The following IGF1R variants were observed in gnomAD, a reference collection of about 807,000 sequenced individuals.
The protein encoded by IGF1R is insulin like growth factor 1 receptor.
Under a neutral mutation model 144.6 loss-of-function variants are expected in IGF1R, and 44 were observed. That is an observed-to-expected ratio of 0.30 (90% CI 0.24 to 0.39). The LOEUF is 0.39. IGF1R is among the 10% of genes least tolerant of loss of function. IGF1R has a pLI of 1.00. For synonymous variants in IGF1R, 795 were observed against 722.8 expected, an observed-to-expected ratio of 1.10 and a Z score of -1.60; for missense variants, 1,355 against 1,833.7, an observed-to-expected ratio of 0.74 and a Z score of 4.77.
chr15:98,941,634 G>A (rs1323970309), intron 18 of IGF1R, among the ~76,000 whole-genome samples: 2 of 152,064 alleles, frequency 1.3e-5, no homozygotes, highest in Non-Finnish European at 2.9e-5. Flanking sequence ...TTCTTCTCAA[G>A]GGCTCAAGAT....
intron 20 of IGF1R, among the ~76,000 whole-genome samples, chr15:98,950,669 A>C (rs939802569): frequency 1.3e-5 from 2 of 151,254 alleles, no homozygotes; most frequent in Non-Finnish European, 3.0e-5. Context: ...TTACCTGATA[A>C]AGTCAGATCT....
At chr15:98,836,521 TAAAA>T (rs36070885) in intron 2 of IGF1R, among the ~76,000 whole-genome samples, 3 of 129,898 alleles carry the variant, frequency 2.3e-5, no homozygotes, top group African/African-American at 5.5e-5. Flanking sequence ...CCTGTCTCTT[TAAAA>T]AAAAAAAAAA....
At chr15:98,791,668 AAAT>A (rs2056129849) in intron 2 of IGF1R, among the ~76,000 whole-genome samples, 1 of 152,240 alleles carries the variant, frequency 6.6e-6, no homozygotes, top group Non-Finnish European at 1.5e-5. Flanking sequence ...AAGTTGGTGA[AAAT>A]ACTATGTGAT....
chr15:98,649,444 C>G lies in IGF1R; in HGVS notation c.-138C>G. 1.6e-6 allele frequency: 1 copy of G among 645,110 alleles called. No individual in the cohort carries two copies. Among genetic ancestry groups the G allele is most frequent in the East Asian group, 3.1e-5 (1 of 32,548 alleles). The allele number at this position is 645,110 out of a possible 1,614,324, so 40.0% of individuals were successfully genotyped here. A position where few individuals can be genotyped will look rare whatever the true frequency, so the allele number is the denominator to read the frequency against. ...CGGCGCCGCCTTCGGAGTATTGTTT[C>G]CTTCGCCCTTGTTTTTGGAGGGGGA... On this transcript the variant is annotated 5_prime_UTR_variant, in exon 1 of 21. Transcript: ENST00000650285.
intron 1 of IGF1R, among the ~76,000 whole-genome samples, chr15:98,697,778 C>T (rs1213107719): frequency 1.3e-5 from 2 of 152,230 alleles, no homozygotes; most frequent in African/African-American, 2.4e-5. Context: ...CATTCTGTCA[C>T]CCAGGCTGGA....
intron 18 of IGF1R, among the ~76,000 whole-genome samples, chr15:98,941,023 C>T (rs920124295): frequency 1.3e-5 from 2 of 152,240 alleles, no homozygotes; most frequent in African/African-American, 4.8e-5. Flanking sequence ...CTCTGTAGAA[C>T]TCACATTGTC....
At position 98,922,293 on chromosome 15, in the gene IGF1R, G is replaced by T. The variant is rs771140051; in HGVS notation, c.2347G>T (p.Asp783Tyr). 1 of 1,614,164 alleles carries T rather than the reference G, an allele frequency of 6.2e-7. No homozygotes were observed. Among genetic ancestry groups the T allele is most frequent in the Non-Finnish European group, 8.5e-7 (1 of 1,180,018 alleles). ...GTACCCTTTCTTTGAGAGCAGAGTG[G>T]ATAACAAGGAGAGAACTGTCATTTC... is the stretch of plus-strand genomic sequence containing the variant. ...TEYPFFESRVDNKERTVISNL... is the reference protein window; with the variant it reads ...TEYPFFESRVYNKERTVISNL... The change falls in exon 11 of 21, where the codon GAT becomes TAT. Residue 783 changes from aspartate (D) to tyrosine (Y), a missense_variant. By Grantham distance (160) the Asp-to-Tyr change is radical. Around this residue, in one of 7 missense-constraint regions of IGF1R, gnomAD observed 880 missense variants for 1,202.7 expected, o/e 0.73. Transcript: ENST00000650285.
chr15:98,801,576 G>A (rs2056364785), intron 2 of IGF1R, among the ~76,000 whole-genome samples: 1 of 152,202 alleles, frequency 6.6e-6, no homozygotes, highest in Admixed American at 6.5e-5. Flanking sequence ...CAAACCCCAA[G>A]CCGACTGCTT....
intron 15 of IGF1R, among the ~76,000 whole-genome samples, chr15:98,931,419 C>G (rs1009798961): frequency 4.6e-5 from 7 of 152,242 alleles, no homozygotes; most frequent in Non-Finnish European, 8.8e-5. Context: ...AATGTGAAAA[C>G]ACCGTTATAC....
At chr15:98,799,974 C>T (rs181049380) in intron 2 of IGF1R, among the ~76,000 whole-genome samples, 4 of 152,310 alleles carry the variant, frequency 2.6e-5, no homozygotes, top group East Asian at 1.9e-4. Flanking sequence ...TCCTTTCCTG[C>T]ACTCTGTTCT....
chr15:98,941,103 G>T (rs1335235105), intron 18 of IGF1R, among the ~76,000 whole-genome samples: 1 of 152,238 alleles, frequency 6.6e-6, no homozygotes, highest in Non-Finnish European at 1.5e-5. Context: ...AGGTGGGCCA[G>T]TTCTGCCGCT....
Position 98,735,666 on chromosome 15 carries a change from G to A in IGF1R, c.640+27559G>A, listed in dbSNP as rs545912069. Among the ~76,000 whole-genome samples, 3 of 152,318 alleles carry A rather than the reference G, an allele frequency of 2.0e-5. No homozygotes were observed. In the East Asian group the frequency reaches 5.8e-4, roughly 29 times the overall value. ...ATTCAAGAAAGAGGGTCGCAAAATA[G>A]CAAACACCCACTATGGCTGGGCAGT... On this transcript the variant is annotated intron_variant, in intron 2 of 20. Coordinates refer to ENST00000650285, the MANE Select transcript of IGF1R (RefSeq NM_000875.5).
chr15:98,688,212 C>T (rs2053379720), intron 1 of IGF1R, among the ~76,000 whole-genome samples: 2 of 152,140 alleles, frequency 1.3e-5, no homozygotes, highest in Non-Finnish European at 2.9e-5. Flanking sequence ...CCTGGCCAGC[C>T]CTGGCCCAAG....
chr15:98,845,174 C>G (rs867987955), intron 2 of IGF1R, among the ~76,000 whole-genome samples: 1 of 152,180 alleles, frequency 6.6e-6, no homozygotes, highest in African/African-American at 2.4e-5. Flanking sequence ...AAATATGTTT[C>G]TAATACTTTA....
intron 2 of IGF1R, among the ~76,000 whole-genome samples, chr15:98,874,429 C>T (rs1596382890): frequency 6.6e-6 from 1 of 152,096 alleles, no homozygotes; most frequent in Non-Finnish European, 1.5e-5. Context: ...CAGTCCATTT[C>T]AACATTTCCA....
chr15:98,922,413 G>T lies in IGF1R; in HGVS notation c.2467G>T (p.Ala823Ser). The change falls in exon 11 of 21, where the codon GCA becomes TCA. Residue 823 changes from alanine (A) to serine (S), a missense_variant. Ala to Ser is a moderately conservative substitution (Grantham distance 99). Coordinates refer to ENST00000650285, the MANE Select transcript of IGF1R (RefSeq NM_000875.5). ...CTGCAGCGCCTCCAACTTCGTCTTTGCAAGGACTATGCCCGCAGGTATGGT... is the reference window on the plus strand; with the variant it reads ...CTGCAGCGCCTCCAACTTCGTCTTTTCAAGGACTATGCCCGCAGGTATGGT... ...LGCSASNFVF[A>S]RTMPAEGADD... is the part of the protein sequence containing the mutation. 6.2e-7 allele frequency: 1 copy of T among 1,612,310 alleles called. No individual in the cohort carries two copies. The highest frequency in any genetic ancestry group is 2.2e-5 in the East Asian group (1 of 44,890).
intron 2 of IGF1R, among the ~76,000 whole-genome samples, chr15:98,878,774 CA>C (rs775736959): frequency 4.0e-5 from 6 of 150,490 alleles, no homozygotes; most frequent in Non-Finnish European, 7.4e-5. Context: ...AGGTGGATCA[CA>C]AGGTCAGGAG....
chr15:98,783,977 T>C (rs2055922290), intron 2 of IGF1R, among the ~76,000 whole-genome samples: 1 of 124,648 alleles, frequency 8.0e-6, no homozygotes, highest in Admixed American at 8.4e-5. Flanking sequence ...TTTTTTTTTT[T>C]TTTTTTTTTT....
chr15:98,937,107 A>T (rs1323657986), intron 17 of IGF1R, among the ~76,000 whole-genome samples: 3 of 152,086 alleles, frequency 2.0e-5, no homozygotes, highest in Non-Finnish European at 4.4e-5. Flanking sequence ...GCTGGTCTTG[A>T]ACTCCTGACC....
Sources: allele counts gnomAD v4.1 joint callset (sites outside exome capture counted in the v4.1 genomes callset), GRCh38; gene constraint gnomAD v4.1.1; regional missense constraint gnomAD v4.1.1; transcripts MANE v1.5; gene names NCBI Gene and HGNC (gene_info 2026-07-23, HGNC 2026-07-21).